Variants in ANK3 observed in about 807,000 individuals in gnomAD.
ANK3 encodes ankyrin 3.
A neutral mutation model predicts 370.9 loss-of-function variants in ANK3; 57 were observed. That is an observed-to-expected ratio of 0.15 (90% CI 0.12 to 0.19). The LOEUF is 0.19. ANK3 is among the 10% of genes least tolerant of loss of function. ANK3 has a pLI of 1.00. For synonymous variants in ANK3, 1,929 were observed against 1,946.3 expected (o/e 0.99, Z 0.23); for missense variants, 4,439 against 5,302.1 (o/e 0.84, Z 5.06).
At position 60,071,175 on chromosome 10, in the gene ANK3, C is replaced by G. The variant is rs747043475; in HGVS notation, c.9706G>C (p.Val3236Leu). 6.2e-7 allele frequency: 1 copy of G among 1,614,092 alleles called. No individual in the cohort carries two copies. Among genetic ancestry groups the G allele is most frequent in the Middle Eastern group, 1.7e-4 (1 of 6,060 alleles). Residue 3236 changes from valine to leucine, a missense_variant, in exon 37 of 44, where the codon GTG (valine) becomes CTG (leucine). Transcript: ENST00000280772. ...TAVEREMPND[V>L]SKDSNQRPKN... ...GGTCTTTGGTTAGAGTCTTTGCTCACGTCATTAGGCATTTCACGCTCAACT... is the reference window on the plus strand; with the variant it reads ...GGTCTTTGGTTAGAGTCTTTGCTCAGGTCATTAGGCATTTCACGCTCAACT...
At chr10:60,469,129 G>GTATA (rs1205321511) in intron 2 of ANK3, among the ~76,000 whole-genome samples, 1 of 63,282 alleles carries the variant, frequency 1.6e-5, no homozygotes, top group Non-Finnish European at 3.0e-5. Flanking sequence ...ACCACTTTTA[G>GTATA]TATATATATA....
At chr10:60,357,773 T>C (rs914891376) in intron 1 of ANK3, among the ~76,000 whole-genome samples, 4 of 152,182 alleles carry the variant, frequency 2.6e-5, no homozygotes, top group Non-Finnish European at 5.9e-5. Flanking sequence ...CCATCCCTCA[T>C]ACTTCATAGA....
intron 2 of ANK3, among the ~76,000 whole-genome samples, chr10:60,471,784 C>T (rs1426219604): frequency 6.6e-6 from 1 of 151,986 alleles, no homozygotes; most frequent in Non-Finnish European, 1.5e-5. Context: ...AAATTCTATA[C>T]TAAAATGCTA....
intron 1 of ANK3, among the ~76,000 whole-genome samples, chr10:60,693,598 C>G (rs1211504769): frequency 2.6e-5 from 4 of 152,194 alleles, no homozygotes; most frequent in Non-Finnish European, 4.4e-5. Flanking sequence ...GACCCCTGAC[C>G]CCCAAGCAGC....
At chr10:60,178,571 G>A (rs192129986) in intron 18 of ANK3, among the ~76,000 whole-genome samples, 21 of 152,156 alleles carry the variant, frequency 1.4e-4, no homozygotes, top group Non-Finnish European at 1.5e-5. Flanking sequence ...TATGAGTTTT[G>A]CTCTCTAAAC....
chr10:60,238,247 A>C (rs2097365143), intron 7 of ANK3, among the ~76,000 whole-genome samples: 1 of 152,224 alleles, frequency 6.6e-6, no homozygotes, highest in African/African-American at 2.4e-5. Flanking sequence ...TGTCTAAGCA[A>C]GCAACAGAGT....
intron 1 of ANK3, among the ~76,000 whole-genome samples, chr10:60,360,556 A>G (rs1435701996): frequency 6.6e-6 from 1 of 152,144 alleles, no homozygotes; most frequent in African/African-American, 2.4e-5. Context: ...AAAAGATTAA[A>G]AAGTTAGCTG....
intron 1 of ANK3, among the ~76,000 whole-genome samples, chr10:60,630,126 T>C (rs1206258535): frequency 6.6e-6 from 1 of 152,140 alleles, no homozygotes; most frequent in Non-Finnish European, 1.5e-5. Context: ...TGAATTTGCA[T>C]AAATCATTTA....
At chr10:60,587,974 G>C (rs527498580) in intron 2 of ANK3, among the ~76,000 whole-genome samples, 3 of 152,088 alleles carry the variant, frequency 2.0e-5, no homozygotes, top group South Asian at 4.2e-4. Flanking sequence ...CTGAAAATTT[G>C]ATAGGGAATT....
chr10:60,243,003 TA>T (rs1371871532), intron 7 of ANK3, among the ~76,000 whole-genome samples: 7 of 152,312 alleles, frequency 4.6e-5, no homozygotes, highest in Non-Finnish European at 1.0e-4. Context: ...CTTTGTAGTG[TA>T]CTAATATATA....
At chr10:60,707,117 TA>T (rs2079631679) in intron 1 of ANK3, among the ~76,000 whole-genome samples, 1 of 152,176 alleles carries the variant, frequency 6.6e-6, no homozygotes, top group African/African-American at 2.4e-5. Flanking sequence ...AAATAATTTT[TA>T]AAAAACCAAC....
intron 16 of ANK3, among the ~76,000 whole-genome samples, chr10:60,188,436 G>T (rs1359103440): frequency 6.6e-6 from 1 of 152,130 alleles, no homozygotes; most frequent in Non-Finnish European, 1.5e-5. Context: ...TTTTTCCATA[G>T]ACAGGAAGAT....
chr10:60,317,206 T>C (rs10821719), intron 1 of ANK3, among the ~76,000 whole-genome samples: 89,077 of 151,940 alleles, frequency 0.59, 26,735 homozygotes, highest in South Asian at 0.78. Flanking sequence ...AGTGGTGCGA[T>C]GTCTGCCTCC....
At chr10:60,427,772 T>G (rs1037597226) in intron 2 of ANK3, among the ~76,000 whole-genome samples, 1 of 152,172 alleles carries the variant, frequency 6.6e-6, no homozygotes, top group African/African-American at 2.4e-5. Context: ...CCAATCTTCA[T>G]GCACAGAGAG....
In ANK3 at chr10:60,108,813, T is replaced by C. The variant is rs374615442; in HGVS notation, c.3173+17A>G. 20 of 1,609,500 alleles carry C rather than the reference T, an allele frequency of 1.2e-5. No homozygotes were observed. The highest frequency in any genetic ancestry group is 4.0e-5 in the African/African-American group (3 of 74,814). On this transcript the variant is annotated intron_variant, in intron 27 of 43. Transcript: ENST00000280772. Reference sequence around the variant, plus strand: ...TGCATTGTGAGGGCCAAGGTTAAAATTGACAAAACAACTTACCCTAAAAAT... The same window carrying C: ...TGCATTGTGAGGGCCAAGGTTAAAACTGACAAAACAACTTACCCTAAAAAT...
intron 7 of ANK3, among the ~76,000 whole-genome samples, chr10:60,235,775 T>G (rs2097323326): frequency 6.6e-6 from 1 of 152,152 alleles, no homozygotes; most frequent in Non-Finnish European, 1.5e-5. Context: ...ATAAATGAAC[T>G]AGGCTCACAG....
chr10:60,185,646 AC>A (rs2096304624), intron 17 of ANK3, among the ~76,000 whole-genome samples: 1 of 152,182 alleles, frequency 6.6e-6, no homozygotes, highest in South Asian at 2.1e-4. Context: ...AGCTATGCCC[AC>A]ACCCAGCAGG....
chr10:60,643,541 T>C (rs868122372), intron 1 of ANK3, among the ~76,000 whole-genome samples: 11 of 143,868 alleles, frequency 7.6e-5, no homozygotes, highest in South Asian at 2.2e-4. Context: ...TCTATCTATC[T>C]ATCCATCCAT....
At chr10:60,574,127 C>T (rs112939526) in intron 2 of ANK3, among the ~76,000 whole-genome samples, 1 of 152,138 alleles carries the variant, frequency 6.6e-6, no homozygotes, top group Non-Finnish European at 1.5e-5. Flanking sequence ...AGGCTGAAAT[C>T]GTCCCCATTT....
Sources: allele counts gnomAD v4.1 joint callset (sites outside exome capture counted in the v4.1 genomes callset), GRCh38; gene constraint gnomAD v4.1.1; transcripts MANE v1.5; gene names NCBI Gene and HGNC (gene_info 2026-07-23, HGNC 2026-07-21).